The following PACRGL variants were observed in gnomAD, a reference collection of about 807,000 sequenced individuals.
The protein encoded by PACRGL is PACRG-like protein.
PACRGL carries 38 observed loss-of-function variants against 34.5 expected under a neutral mutation model. The observed-to-expected ratio is 1.10, with a 90% CI of 0.85 to 1.44. The LOEUF (loss-of-function observed/expected upper bound fraction) is 1.44. PACRGL is among the 40% of genes most tolerant of loss of function. The probability of loss-of-function intolerance (pLI) is 0.00; values close to 1 mark genes in which losing one functional copy is unlikely to be tolerated. For missense variants in PACRGL, 305 were observed against 281.4 expected (o/e 1.08, Z -0.60); for synonymous variants, 128 against 100.1 (o/e 1.28, Z -1.66).
At chr4:20,723,318 G>C (rs1744222507) in intron 7 of PACRGL, among the ~76,000 whole-genome samples, 1 of 152,238 alleles carries the variant, frequency 6.6e-6, no homozygotes, top group South Asian at 2.1e-4. Flanking sequence ...CTTGCACTCT[G>C]CCCTCCTGTT....
At position 20,709,610 on chromosome 4, in the gene PACRGL, T is replaced by C. The variant is rs950606509; in HGVS notation, c.276-73T>C. ...CAAAATAAATCTGATATGGTTATAC[T>C]GTATGTTAGATTATCCCTGCTTAAT... is the stretch of plus-strand genomic sequence containing the variant. On this transcript the variant is annotated intron_variant, in intron 4 of 8. Coordinates refer to ENST00000503585, the MANE Select transcript of PACRGL (RefSeq NM_001258345.3). The C allele has an allele frequency of 4.0e-5, 38 of 939,062 alleles. No homozygotes were observed. The African/African-American group carries it at 5.9e-4, about 15-fold the overall frequency. 58.2% of individuals were successfully genotyped at this position (939,062 alleles called of 1,614,324 possible). A position where few individuals can be genotyped will look rare whatever the true frequency, so the allele number is the denominator to read the frequency against.
chr4:20,751,862 T>G (rs752134749), intron 8 of PACRGL, among the ~76,000 whole-genome samples: 17 of 152,126 alleles, frequency 1.1e-4, no homozygotes, highest in Non-Finnish European at 1.3e-4. Flanking sequence ...TTTTAGAAGT[T>G]ACAGCGGCTT....
chr4:20,708,989 A>T (rs993863147), intron 4 of PACRGL, among the ~76,000 whole-genome samples: 3 of 151,838 alleles, frequency 2.0e-5, no homozygotes, highest in African/African-American at 7.3e-5. Flanking sequence ...AAAATACAAA[A>T]TTAGCCGGGT....
chr4:20,750,882 C>T (rs911077123), intron 8 of PACRGL, among the ~76,000 whole-genome samples: 1 of 151,842 alleles, frequency 6.6e-6, no homozygotes, highest in African/African-American at 2.4e-5. Flanking sequence ...AACTTTTAAC[C>T]TTTATTGGGT....
chr4:20,759,933 A>G, the PACRGL span, among the ~76,000 whole-genome samples: 1 of 152,196 alleles, frequency 6.6e-6, no homozygotes, highest in East Asian at 1.9e-4. Context: ...AAATCCATGC[A>G]CATTCAAGTC....
At chr4:20,748,882 A>G (rs115679808) in intron 8 of PACRGL, among the ~76,000 whole-genome samples, 74 of 144,432 alleles carry the variant, frequency 5.1e-4, no homozygotes, top group Admixed American at 1.3e-3. Flanking sequence ...GTGTGTGTGT[A>G]TGTGTGTGTG....
In PACRGL at chr4:20,704,492, C is replaced by CA. The variant is rs1560288340; in HGVS notation, c.12dup (p.Glu5ArgfsTer15). On this transcript the variant is annotated frameshift_variant, in exon 2 of 9. Coordinates refer to ENST00000503585, the MANE Select transcript of PACRGL (RefSeq NM_001258345.3). LOFTEE classifies it high-confidence loss of function. ...AGTGAAAGGGAAGCAATGCAGAAATCAGAGGGCTCTGGAGGTACACAGTTG... is the reference window on the plus strand; with the variant it reads ...AGTGAAAGGGAAGCAATGCAGAAATCAAGAGGGCTCTGGAGGTACACAGTTG... The CA allele has an allele frequency of 6.2e-7, 1 of 1,613,672 alleles. No homozygotes were observed. The highest frequency in any genetic ancestry group is 2.2e-5 in the East Asian group (1 of 44,850).
rs182680619 is a variant in PACRGL at position 20,731,613 on chromosome 4, A to C, written c.*4272A>C. On this transcript the variant is annotated 3_prime_UTR_variant, in exon 9 of 9. Transcript: ENST00000503585. ...TCAGATAGAAGCTTGGCCTGTTGTG[A>C]TGCCATACTTGGCTATCTAGGAATT... The C allele has an allele frequency of 8.3e-5, 82 of 985,252 alleles. No individual in the cohort carries two copies. The African/African-American group carries it at 1.2e-3, about 15-fold the overall frequency. The allele number at this position is 985,252 out of a possible 1,614,324, so 61.0% of individuals were successfully genotyped here. A position where few individuals can be genotyped will look rare whatever the true frequency, so the allele number is the denominator to read the frequency against.
At chr4:20,749,019 G>A (rs1408467281) in intron 8 of PACRGL, among the ~76,000 whole-genome samples, 2 of 151,648 alleles carry the variant, frequency 1.3e-5, no homozygotes, top group Non-Finnish European at 2.9e-5. Context: ...CTAGCTGGGC[G>A]TGGTGGCACG....
intron 7 of PACRGL, among the ~76,000 whole-genome samples, chr4:20,718,118 A>T (rs535500018): frequency 1.6e-4 from 24 of 152,252 alleles, no homozygotes; most frequent in African/African-American, 5.1e-4. Context: ...GAGTTCACTC[A>T]TGATTTGGCT....
In PACRGL at chr4:20,707,787, T is replaced by A. The variant is rs759648493; in HGVS notation, c.208-16T>A. On this transcript the variant is annotated splice_polypyrimidine_tract_variant and intron_variant, in intron 3 of 8. Transcript: ENST00000503585. ...AGAAGTATAGGTGATAGTAATATTT[T>A]CATTTTTTATTTTAGTTTGGTGAAC... 1.1e-5 allele frequency: 17 copies of A among 1,609,622 alleles called. No homozygotes were observed. The highest frequency in any genetic ancestry group is 1.4e-5 in the Non-Finnish European group (17 of 1,175,932).
chr4:20,707,935 A>G (rs1296280304), intron 4 of PACRGL, 65 bp downstream of exon 4: 6 of 1,214,142 alleles, frequency 4.9e-6, no homozygotes, highest in African/African-American at 1.5e-5. Flanking sequence ...TGAATACAAT[A>G]TTTAGTTTAA....
intron 8 of PACRGL, among the ~76,000 whole-genome samples, chr4:20,743,902 A>G (rs1182052023): frequency 1.3e-5 from 2 of 151,684 alleles, no homozygotes; most frequent in African/African-American, 4.8e-5. Context: ...AGAATCTACA[A>G]AGAAATTAAA....
In PACRGL at chr4:20,712,864, C is replaced by T. The variant is rs1302244404; in HGVS notation, c.443C>T (p.Ala148Val). The change falls in exon 6 of 9, where the codon GCT becomes GTT. Residue 148 changes from alanine (A) to valine (V), a missense_variant. Ala to Val is a moderately conservative substitution (Grantham distance 64, BLOSUM62 0). Coordinates refer to ENST00000503585, the MANE Select transcript of PACRGL (RefSeq NM_001258345.3). Reference protein sequence around the residue: ...GFRELLLVKGAPEKAIPLLPR... With the variant: ...GFRELLLVKGVPEKAIPLLPR... ...AGAGAATTACTTTTGGTCAAAGGTG[C>T]TCCTGAAAAAGCTATTCCTTTGCTA... 1.2e-6 allele frequency: 2 copies of T among 1,604,840 alleles called. No homozygotes were observed. The highest frequency in any genetic ancestry group is 8.5e-7 in the Non-Finnish European group (1 of 1,174,462).
the PACRGL span, among the ~76,000 whole-genome samples, chr4:20,762,534 G>C: frequency 0.71 from 108,249 of 152,182 alleles, 39,214 homozygotes; most frequent in East Asian, 0.84. Flanking sequence ...TATACATTCT[G>C]TAACTTTTTC....
In PACRGL at chr4:20,730,662, G is replaced by A. The variant is rs553195065; in HGVS notation, c.*3321G>A. On this transcript the variant is annotated 3_prime_UTR_variant, in exon 9 of 9. Coordinates refer to ENST00000503585, the MANE Select transcript of PACRGL (RefSeq NM_001258345.3). Reference sequence around the variant, plus strand: ...TGCTAGTTATGGCTAAAGCTGCATGGCCTGAAGGAGCCTTTAAAAATGAAT... The same window carrying A: ...TGCTAGTTATGGCTAAAGCTGCATGACCTGAAGGAGCCTTTAAAAATGAAT... 6.6e-6 allele frequency among the ~76,000 whole-genome samples: 1 copy of A among 152,258 alleles called. No individual in the cohort carries two copies. The highest frequency in any genetic ancestry group is 2.4e-5 in the African/African-American group (1 of 41,538).
Position 20,725,308 on chromosome 4 carries a change from A to G in PACRGL, c.690+420A>G, listed in dbSNP as rs1437513268. 2.0e-5 allele frequency among the ~76,000 whole-genome samples: 3 copies of G among 152,010 alleles called. No individual in the cohort carries two copies. In the East Asian group the frequency reaches 5.8e-4, roughly 29 times the overall value. ...CTTTTCTGACTCAGACGTCCAGATG[A>G]TTACACTATTCTGTCTGTAAGTGCG... On this transcript the variant is annotated intron_variant, in intron 8 of 8. Transcript: ENST00000503585.
Position 20,729,904 on chromosome 4 carries a change from C to CAAATTTATAACTGAA in PACRGL, c.*2565_*2579dup, listed in dbSNP as rs1260720682. On this transcript the variant is annotated 3_prime_UTR_variant, in exon 9 of 9. Coordinates refer to ENST00000503585, the MANE Select transcript of PACRGL (RefSeq NM_001258345.3). ...ACTCAGTGGCATTATGAAAAGGATG[C>CAAATTTATAACTGAA]AAATTTATAACTGAAAGCTCAAATC... is the stretch of plus-strand genomic sequence containing the variant. The CAAATTTATAACTGAA allele has an allele frequency of 1.3e-5, 8 of 613,416 alleles. No homozygotes were observed. The highest frequency in any genetic ancestry group is 2.0e-5 in the Non-Finnish European group (8 of 393,110). 38.0% of individuals were successfully genotyped at this position (613,416 alleles called of 1,614,324 possible).
chr4:20,735,518 GTTTTTTTTTTTGTTTTTT>G (rs1441257156), downstream of PACRGL, among the ~76,000 whole-genome samples: 1 of 130,812 alleles, frequency 7.6e-6, no homozygotes, highest in Non-Finnish European at 1.6e-5. Flanking sequence ...TTCATTTAGT[GTTTTTTTTTTTGTTTTTT>G]TTTTTTTTTT....
Sources: allele counts gnomAD v4.1 joint callset (sites outside exome capture counted in the v4.1 genomes callset), GRCh38; gene constraint gnomAD v4.1.1; transcripts MANE v1.5; gene names NCBI Gene and HGNC (gene_info 2026-07-23, HGNC 2026-07-21).